EXOC6B: variants seen among roughly 807,000 people sequenced by gnomAD.
EXOC6B encodes SEC15 homolog B.
Under a neutral mutation model 113.5 loss-of-function variants are expected in EXOC6B, and 54 were observed. The ratio of observed to expected loss-of-function variants is 0.48; its 90% CI spans 0.38 to 0.60. The LOEUF is 0.60. Among genes scored for constraint, EXOC6B ranks in the 20% least tolerant of loss-of-function variants. The pLI, the probability that EXOC6B is intolerant of heterozygous loss-of-function variation, is 0.00. For missense variants in EXOC6B, 797 were observed against 977.5 expected, an observed-to-expected ratio of 0.82 and a Z score of 2.46; for synonymous variants, 357 against 339.0, an observed-to-expected ratio of 1.05 and a Z score of -0.58.
intron 6 of EXOC6B, among the ~76,000 whole-genome samples, chr2:72,665,486 G>T (rs574483455): frequency 6.6e-6 from 1 of 152,240 alleles, no homozygotes; most frequent in South Asian, 2.1e-4. Context: ...ATAGCATTAG[G>T]CAAGCAGCAG....
At chr2:72,366,794 G>GA (rs981976975) in intron 19 of EXOC6B, among the ~76,000 whole-genome samples, 1,646 of 130,198 alleles carry the variant, frequency 0.013, 16 homozygotes, top group African/African-American at 0.031. Context: ...AGTGTTGAAA[G>GA]AAAAAAAAAA....
At position 72,184,092 on chromosome 2, in the gene EXOC6B, A is replaced by G. The variant is rs1341655742; in HGVS notation, c.2292T>C (p.Ala764=). 1 of 1,560,148 alleles carries G rather than the reference A, an allele frequency of 6.4e-7. No homozygotes were observed. The highest frequency in any genetic ancestry group is 1.2e-5 in the South Asian group (1 of 84,530). ...GTACTCACTTCTCAAGCAGGGTCAG[A>G]GCAGTCACTGGGTTTACCCGGAGGT... ...CKYLRVNPVT[A]LTLLEKMKDT... is the part of the protein sequence containing the mutation. The change falls in exon 21 of 22, where the codon GCT becomes GCC. Residue 764 remains alanine (A), a synonymous_variant. Coordinates refer to ENST00000272427, the MANE Select transcript of EXOC6B (RefSeq NM_015189.3).
At chr2:72,605,011 T>C (rs1181250606) in intron 6 of EXOC6B, among the ~76,000 whole-genome samples, 1 of 152,092 alleles carries the variant, frequency 6.6e-6, no homozygotes. Context: ...ATCTCCAACT[T>C]GGCCAGGCAC....
At chr2:72,394,504 G>C (rs577404441) in intron 18 of EXOC6B, among the ~76,000 whole-genome samples, 3 of 151,724 alleles carry the variant, frequency 2.0e-5, no homozygotes, top group Non-Finnish European at 4.4e-5. Flanking sequence ...TTGAAATGGA[G>C]GTAATATAAA....
intron 13 of EXOC6B, 70 bp from the exon 14 acceptor site, chr2:72,496,629 A>AG: frequency 3.4e-6 from 3 of 886,554 alleles, no homozygotes; most frequent in Admixed American, 4.2e-5. Flanking sequence ...AGGGGAACAG[A>AG]GGGAAGGTGG....
chr2:72,799,125 A>G (rs1044728377), intron 1 of EXOC6B, among the ~76,000 whole-genome samples: 5 of 151,102 alleles, frequency 3.3e-5, no homozygotes, highest in Admixed American at 2.0e-4. Flanking sequence ...CTGTTGTCCC[A>G]GCTACTTGGG....
chr2:72,535,974 A>G (rs1413143476), intron 8 of EXOC6B, among the ~76,000 whole-genome samples: 1 of 152,206 alleles, frequency 6.6e-6, no homozygotes, highest in East Asian at 1.9e-4. Flanking sequence ...AATCCCAGTG[A>G]CAGCCTTTTG....
intron 7 of EXOC6B, among the ~76,000 whole-genome samples, chr2:72,562,254 G>A (rs1426178051): frequency 6.6e-6 from 1 of 152,086 alleles, no homozygotes; most frequent in Non-Finnish European, 1.5e-5. Context: ...AATGCTACAG[G>A]TTTGGAAGAA....
rs11885645 is a variant in EXOC6B at position 72,629,295 on chromosome 2, C to A, written c.670-53627G>T. On this transcript the variant is annotated intron_variant, in intron 6 of 21. Coordinates refer to ENST00000272427, the MANE Select transcript of EXOC6B (RefSeq NM_015189.3). Reference sequence around the variant, plus strand: ...AGCAGTACTATTCATACAGCCTTGGCTTTTTTGAATAACCACATTGCAGTG... The same window carrying A: ...AGCAGTACTATTCATACAGCCTTGGATTTTTTGAATAACCACATTGCAGTG... Among the ~76,000 whole-genome samples, 1,519 of 152,268 alleles carry A rather than the reference C, an allele frequency of 1.0e-2. 39 individuals are homozygous for A. Among genetic ancestry groups the A allele is most frequent in the African/African-American group, 0.035 (1,465 of 41,534 alleles).
At chr2:72,192,451 G>T (rs1678909648) in intron 20 of EXOC6B, among the ~76,000 whole-genome samples, 1 of 152,142 alleles carries the variant, frequency 6.6e-6, no homozygotes, top group African/African-American at 2.4e-5. Context: ...AGGTGAGTGG[G>T]AATCCAGTCC....
chr2:72,758,429 C>T (rs1461402509), intron 1 of EXOC6B, among the ~76,000 whole-genome samples: 1 of 151,370 alleles, frequency 6.6e-6, no homozygotes, highest in African/African-American at 2.4e-5. Flanking sequence ...AGTCCACTTA[C>T]AAGATATGCA....
chr2:72,467,576 C>T (rs1040353464), intron 17 of EXOC6B, among the ~76,000 whole-genome samples: 1 of 152,082 alleles, frequency 6.6e-6, no homozygotes, highest in Non-Finnish European at 1.5e-5. Context: ...TTTCTGATGA[C>T]TAATGATGTT....
intron 19 of EXOC6B, among the ~76,000 whole-genome samples, chr2:72,367,292 T>C (rs1395118058): frequency 1.3e-5 from 2 of 151,468 alleles, no homozygotes; most frequent in Non-Finnish European, 2.9e-5. Flanking sequence ...CAACAGAGTC[T>C]GAGCTAATAA....
intron 6 of EXOC6B, among the ~76,000 whole-genome samples, chr2:72,606,720 C>A (rs1283441120): frequency 3.9e-5 from 6 of 151,914 alleles, no homozygotes; most frequent in South Asian, 4.2e-4. Flanking sequence ...CCTCCACCTC[C>A]CAGGTTCAAG....
intron 18 of EXOC6B, among the ~76,000 whole-genome samples, chr2:72,456,779 T>C (rs1697260482): frequency 6.6e-6 from 1 of 152,102 alleles, no homozygotes; most frequent in East Asian, 1.9e-4. Flanking sequence ...TTAATTACCA[T>C]TGTCTCCTTT....
chr2:72,795,233 G>A (rs1046529372), intron 1 of EXOC6B, among the ~76,000 whole-genome samples: 3 of 152,130 alleles, frequency 2.0e-5, no homozygotes, highest in Non-Finnish European at 2.9e-5. Flanking sequence ...CCTCTAATCA[G>A]CCCCTCTGAA....
intron 1 of EXOC6B, among the ~76,000 whole-genome samples, chr2:72,776,929 A>C (rs998463671): frequency 9.9e-5 from 15 of 152,096 alleles, no homozygotes; most frequent in African/African-American, 3.6e-4. Flanking sequence ...ACCAAGGCAC[A>C]TTATAATCAA....
At chr2:72,535,351 T>G (rs967167128) in intron 8 of EXOC6B, among the ~76,000 whole-genome samples, 2 of 152,146 alleles carry the variant, frequency 1.3e-5, no homozygotes, top group Non-Finnish European at 2.9e-5. Context: ...TGTTGTTGTT[T>G]TTGTTGTTTT....
chr2:72,685,450 G>A (rs141546375), intron 6 of EXOC6B, among the ~76,000 whole-genome samples: 62 of 152,204 alleles, frequency 4.1e-4, no homozygotes, highest in African/African-American at 1.2e-3. Flanking sequence ...GGTCCCAAAG[G>A]ATGAGCCGAA....
Sources: allele counts gnomAD v4.1 joint callset (sites outside exome capture counted in the v4.1 genomes callset), GRCh38; gene constraint gnomAD v4.1.1; transcripts MANE v1.5; gene names NCBI Gene and HGNC (gene_info 2026-07-23, HGNC 2026-07-21).